The following GABBR2 variants were observed in gnomAD, a reference collection of about 807,000 sequenced individuals.
GABBR2 encodes G-protein coupled receptor 51.
GABBR2 carries 23 observed loss-of-function variants against 105.6 expected under a neutral mutation model. The observed-to-expected ratio is 0.22, with a 90% CI of 0.16 to 0.31. The LOEUF (loss-of-function observed/expected upper bound fraction) is 0.31, where lower values mean the gene tolerates loss of function less well. Among genes scored for constraint, GABBR2 ranks in the 10% least tolerant of loss-of-function variants. The pLI is 1.00. For missense variants in GABBR2, 734 were observed against 1,245.5 expected (o/e 0.59, Z 6.18); for synonymous variants, 478 against 499.7 (o/e 0.96, Z 0.58).
At chr9:98,381,705 AAATT>A (rs1345591206) in intron 11 of GABBR2, among the ~76,000 whole-genome samples, 2 of 152,156 alleles carry the variant, frequency 1.3e-5, no homozygotes, top group African/African-American at 4.8e-5. Context: ...GACTGCAAAT[AAATT>A]AATTCTCAGG....
intron 2 of GABBR2, among the ~76,000 whole-genome samples, chr9:98,568,204 C>T (rs968645183): frequency 1.3e-5 from 2 of 152,130 alleles, no homozygotes; most frequent in Non-Finnish European, 2.9e-5. Context: ...TGAACCTCCC[C>T]CTCCATCCCT....
chr9:98,666,116 G>A (rs966559319), intron 1 of GABBR2, among the ~76,000 whole-genome samples: 1 of 152,138 alleles, frequency 6.6e-6, no homozygotes, highest in Admixed American at 6.5e-5. Context: ...CTCACAGACC[G>A]AATCACTCAG....
At chr9:98,605,241 A>T (rs1330118128) in intron 1 of GABBR2, among the ~76,000 whole-genome samples, 2 of 152,244 alleles carry the variant, frequency 1.3e-5, no homozygotes, top group African/African-American at 2.4e-5. Flanking sequence ...CTGCCCTGCC[A>T]GTCTCAGGTG....
chr9:98,695,001 A>G (rs528276938), intron 1 of GABBR2, among the ~76,000 whole-genome samples: 4 of 152,330 alleles, frequency 2.6e-5, no homozygotes, highest in African/African-American at 9.6e-5. Context: ...GGAACATCAG[A>G]GCATCTCTCT....
At chr9:98,448,157 G>A (rs1826169095) in intron 7 of GABBR2, among the ~76,000 whole-genome samples, 1 of 151,938 alleles carries the variant, frequency 6.6e-6, no homozygotes, top group Non-Finnish European at 1.5e-5. Flanking sequence ...CTATTATTTG[G>A]AGGAACTTAA....
intron 1 of GABBR2, among the ~76,000 whole-genome samples, chr9:98,648,080 G>GTGTGTGTGTGTGTGTGTGTGT (rs1830050203): frequency 4.4e-5 from 3 of 68,014 alleles, no homozygotes; most frequent in African/African-American, 1.3e-4. Flanking sequence ...AATCATACAG[G>GTGTGTGTGTGTGTGTGTGTGT]GTGTGTGTGT....
chr9:98,581,747 G>A (rs1829006774), intron 1 of GABBR2, among the ~76,000 whole-genome samples: 1 of 151,744 alleles, frequency 6.6e-6, no homozygotes, highest in Admixed American at 6.6e-5. Flanking sequence ...TAATGACTTT[G>A]GCTTTTTTTC....
At chr9:98,503,149 T>A (rs1278045909) in intron 3 of GABBR2, among the ~76,000 whole-genome samples, 1 of 152,068 alleles carries the variant, frequency 6.6e-6, no homozygotes, top group East Asian at 1.9e-4. Flanking sequence ...AGCAGAGAAG[T>A]CAGCCCCAGG....
chr9:98,689,839 A>G (rs564272027), intron 1 of GABBR2, among the ~76,000 whole-genome samples: 6 of 152,276 alleles, frequency 3.9e-5, no homozygotes, highest in African/African-American at 1.4e-4. Flanking sequence ...TTCAGGATAT[A>G]TTTATCTGTT....
At chr9:98,656,281 C>T (rs1408569063) in intron 1 of GABBR2, among the ~76,000 whole-genome samples, 2 of 152,056 alleles carry the variant, frequency 1.3e-5, no homozygotes, top group Admixed American at 6.5e-5. Context: ...ACCTGTAGGC[C>T]TCTGGCTTGC....
intron 13 of GABBR2, among the ~76,000 whole-genome samples, chr9:98,317,005 G>A (rs537015909): frequency 6.6e-6 from 1 of 152,308 alleles, no homozygotes; most frequent in South Asian, 2.1e-4. Context: ...TGTCAAATCG[G>A]AGGAGACAGT....
rs1830367174 is a variant in GABBR2, at chr9:98,295,569, A to C, written c.2543-1667T>G. ...TGAGACGGAGTCTCACTCTGTCTCC[A>C]GGAGGAGTGCCGTGGTGCCATCTTG... On this transcript the variant is annotated intron_variant, in intron 17 of 18. Transcript: ENST00000259455. Among the ~76,000 whole-genome samples the C allele has an allele frequency of 1.3e-5, 2 of 152,014 alleles. 1 individual carries two copies. The highest frequency in any genetic ancestry group is 4.1e-4 in the South Asian group (2 of 4,826).
chr9:98,633,069 T>A (rs1252445808), intron 1 of GABBR2, among the ~76,000 whole-genome samples: 1 of 152,132 alleles, frequency 6.6e-6, no homozygotes, highest in Non-Finnish European at 1.5e-5. Context: ...ATCCGTGGTG[T>A]GAATATTCCT....
chr9:98,590,715 G>A (rs189337146), intron 1 of GABBR2, among the ~76,000 whole-genome samples: 4 of 152,330 alleles, frequency 2.6e-5, no homozygotes, highest in South Asian at 2.1e-4. Context: ...CCAAGCCATC[G>A]CCACTCCTTT....
At chr9:98,465,584 G>A (rs769812983) in intron 6 of GABBR2, among the ~76,000 whole-genome samples, 5 of 152,260 alleles carry the variant, frequency 3.3e-5, no homozygotes, top group East Asian at 1.9e-4. Flanking sequence ...CCAAGTCTCC[G>A]CAAACTATAC....
chr9:98,405,959 G>T, intron 8 of GABBR2, 122 bp downstream of exon 8: 1 of 675,360 alleles, frequency 1.5e-6, no homozygotes, highest in Non-Finnish European at 2.6e-6. Flanking sequence ...TTTTCAATTG[G>T]CTCTGCTTTC....
At chr9:98,639,977 G>C (rs1468231835) in intron 1 of GABBR2, among the ~76,000 whole-genome samples, 1 of 152,042 alleles carries the variant, frequency 6.6e-6, no homozygotes, top group African/African-American at 2.4e-5. Context: ...AACTGTCTCT[G>C]AAACTCCATT....
chr9:98,339,456 C>T (rs1040085658), intron 13 of GABBR2, among the ~76,000 whole-genome samples: 11 of 152,168 alleles, frequency 7.2e-5, no homozygotes, highest in Non-Finnish European at 1.5e-4. Context: ...TCTTTATTCA[C>T]CAAACCACTT....
chr9:98,323,814 T>G (rs1830868234), intron 13 of GABBR2, among the ~76,000 whole-genome samples: 1 of 152,202 alleles, frequency 6.6e-6, no homozygotes, highest in Non-Finnish European at 1.5e-5. Context: ...GGTGACTCCC[T>G]GCTGTCAAGT....
Sources: gnomAD v4.1 joint callset for allele counts (sites outside exome capture counted in the v4.1 genomes callset) on GRCh38, gnomAD v4.1.1 for gene constraint, MANE v1.5 for transcripts, NCBI Gene and HGNC (gene_info 2026-07-23, HGNC 2026-07-21) for gene names.